HDAC9: variants seen among roughly 807,000 people sequenced by gnomAD.
HDAC9 encodes the protein MEF-2 interacting transcription repressor (MITR) protein.
In HDAC9, 41 loss-of-function variants were observed where a neutral mutation model predicts 139.4. The ratio of observed to expected loss-of-function variants is 0.29; its 90% CI spans 0.23 to 0.38. The LOEUF (loss-of-function observed/expected upper bound fraction) is 0.38. Among genes scored for constraint, HDAC9 ranks in the 10% least tolerant of loss-of-function variants. The probability of loss-of-function intolerance (pLI) is 1.00; values close to 1 mark genes in which losing one functional copy is unlikely to be tolerated. For synonymous variants in HDAC9, 517 were observed against 476.2 expected (o/e 1.09, Z -1.12); for missense variants, 1,147 against 1,297.0 (o/e 0.88, Z 1.78).
At chr7:18,897,555 T>TCTAA (rs1302923430) in intron 22 of HDAC9, among the ~76,000 whole-genome samples, 3 of 151,924 alleles carry the variant, frequency 2.0e-5, no homozygotes, top group Non-Finnish European at 4.4e-5. Context: ...CTGCAGAATA[T>TCTAA]CTAATAATCA....
chr7:18,189,217 A>T (rs533823126), intron 2 of HDAC9, among the ~76,000 whole-genome samples: 12 of 152,276 alleles, frequency 7.9e-5, no homozygotes, highest in African/African-American at 2.9e-4. Context: ...GCTGGAAGCC[A>T]TCATCCTCAG....
At chr7:18,713,239 G>C (rs1271600717) in intron 12 of HDAC9, among the ~76,000 whole-genome samples, 1 of 152,134 alleles carries the variant, frequency 6.6e-6, no homozygotes, top group Non-Finnish European at 1.5e-5. Context: ...AGACCACTTA[G>C]CAGAATCTGC....
At chr7:18,524,238 G>A (rs948312742) in intron 2 of HDAC9, among the ~76,000 whole-genome samples, 3 of 152,136 alleles carry the variant, frequency 2.0e-5, no homozygotes, top group Non-Finnish European at 2.9e-5. Context: ...CATATTTCTT[G>A]TAGGGACTGA....
At chr7:18,771,238 T>G (rs1790262859) in intron 16 of HDAC9, among the ~76,000 whole-genome samples, 1 of 152,152 alleles carries the variant, frequency 6.6e-6, no homozygotes, top group Admixed American at 6.6e-5. Flanking sequence ...CAAAGCTAGC[T>G]TTTTATTACG....
chr7:18,627,440 GATAA>G (rs1842004331), intron 6 of HDAC9, among the ~76,000 whole-genome samples: 1 of 152,084 alleles, frequency 6.6e-6, no homozygotes, highest in Non-Finnish European at 1.5e-5. Flanking sequence ...CTAGGTTTTA[GATAA>G]ATATATTTAT....
At chr7:18,861,719 CATT>C (rs1798125223) in intron 21 of HDAC9, among the ~76,000 whole-genome samples, 1 of 152,050 alleles carries the variant, frequency 6.6e-6, no homozygotes, top group African/African-American at 2.4e-5. Flanking sequence ...CTTCAAATAT[CATT>C]ATTTTTTAAA....
intron 2 of HDAC9, among the ~76,000 whole-genome samples, chr7:18,188,697 C>G (rs1477508183): frequency 1.3e-5 from 2 of 152,176 alleles, no homozygotes; most frequent in African/African-American, 4.8e-5. Context: ...TGAACAGACG[C>G]TTCTCAAAAG....
intron 2 of HDAC9, among the ~76,000 whole-genome samples, chr7:18,257,425 A>G (rs948139507): frequency 7.3e-5 from 11 of 151,114 alleles, no homozygotes; most frequent in African/African-American, 2.7e-4. Flanking sequence ...ACACACACAC[A>G]CACACACACA....
intron 1 of HDAC9, among the ~76,000 whole-genome samples, chr7:18,403,725 A>C (rs1441578815): frequency 6.6e-6 from 1 of 152,224 alleles, no homozygotes; most frequent in East Asian, 1.9e-4. Flanking sequence ...CATGGTGAGC[A>C]AGGCAAAAAC....
At chr7:18,829,578 C>A in intron 19 of HDAC9, 30 bp downstream of exon 19, 2 of 1,375,416 alleles carry the variant, frequency 1.5e-6, no homozygotes, top group Non-Finnish European at 2.1e-6. Flanking sequence ...GCTGCATTTT[C>A]AGTGATTCTA....
chr7:18,239,758 A>C (rs1026580357), intron 2 of HDAC9, among the ~76,000 whole-genome samples: 35 of 152,310 alleles, frequency 2.3e-4, no homozygotes, highest in Admixed American at 1.4e-3. Context: ...AAGTTGCCAC[A>C]GGAGAATGGG....
At chr7:18,811,962 TC>T (rs1794209720) in intron 17 of HDAC9, among the ~76,000 whole-genome samples, 1 of 151,812 alleles carries the variant, frequency 6.6e-6, no homozygotes, top group Admixed American at 6.6e-5. Context: ...ATAGCTCAAA[TC>T]CCTTACATAA....
chr7:18,590,338 G>A lies in HDAC9; in HGVS notation c.267G>A (p.Leu89=). ...TCATGTCTTTCTCTTCTCGCAAGTT[G>A]CAACAGGAACTTCTAGCCATAAAAC... The part of the protein sequence containing the change: ...HQAQLQEHIK[L]QQELLAIKQQ... Residue 89 remains leucine (L), a splice_region_variant and synonymous_variant, in exon 4 of 26, where the codon TTG becomes TTA. Coordinates refer to ENST00000686413, the MANE Select transcript of HDAC9 (RefSeq NM_178425.4). 6.2e-7 allele frequency: 1 copy of A among 1,612,274 alleles called. No homozygotes were observed. Among genetic ancestry groups the A allele is most frequent in the Non-Finnish European group, 8.5e-7 (1 of 1,179,220 alleles).
At chr7:18,486,136 T>A (rs1358973539) in intron 1 of HDAC9, among the ~76,000 whole-genome samples, 1 of 152,154 alleles carries the variant, frequency 6.6e-6, no homozygotes. Flanking sequence ...CCATTTATGA[T>A]AATGACATTA....
intron 2 of HDAC9, among the ~76,000 whole-genome samples, chr7:18,198,629 A>G (rs117163033): frequency 0.01 from 1,595 of 152,292 alleles, 13 homozygotes; most frequent in South Asian, 0.022. Flanking sequence ...ATCCAATGTC[A>G]GTTTTGGGTA....
chr7:18,713,901 A>G (rs1784519840), intron 12 of HDAC9, among the ~76,000 whole-genome samples: 1 of 152,158 alleles, frequency 6.6e-6, no homozygotes, highest in Non-Finnish European at 1.5e-5. Context: ...AATAGAGTCA[A>G]TTTGAGTTTT....
chr7:18,449,280 T>C (rs1245602121), intron 1 of HDAC9, among the ~76,000 whole-genome samples: 1 of 152,118 alleles, frequency 6.6e-6, no homozygotes, highest in Non-Finnish European at 1.5e-5. Flanking sequence ...TGGAACACCA[T>C]ACAGCAATGA....
intron 2 of HDAC9, among the ~76,000 whole-genome samples, chr7:18,566,413 A>G (rs1475645102): frequency 1.3e-5 from 2 of 152,196 alleles, no homozygotes; most frequent in Non-Finnish European, 1.5e-5. Flanking sequence ...TCTATTATGT[A>G]TGGTGGTTAT....
chr7:18,589,536 GAATAAA>G (rs1438633905), intron 3 of HDAC9, among the ~76,000 whole-genome samples: 3 of 151,774 alleles, frequency 2.0e-5, no homozygotes, highest in Non-Finnish European at 2.9e-5. Context: ...CCTGTCTCAA[GAATAAA>G]AATAAAAATA....
Sources: allele counts gnomAD v4.1 joint callset (sites outside exome capture counted in the v4.1 genomes callset), GRCh38; gene constraint gnomAD v4.1.1; transcripts MANE v1.5; gene names NCBI Gene and HGNC (gene_info 2026-07-23, HGNC 2026-07-21).